Variants in AKAP6 observed in about 807,000 individuals in gnomAD.
AKAP6 encodes the protein A-kinase anchor protein 6.
AKAP6 carries 58 observed loss-of-function variants against 188.5 expected under a neutral mutation model. The ratio of observed to expected loss-of-function variants is 0.31; its 90% CI spans 0.25 to 0.38. The LOEUF (loss-of-function observed/expected upper bound fraction) is 0.38, where lower values mean the gene tolerates loss of function less well. AKAP6 is among the 10% of genes least tolerant of loss of function. The pLI, the probability that AKAP6 is intolerant of heterozygous loss-of-function variation, is 1.00. For synonymous variants in AKAP6, 989 were observed against 998.6 expected, an observed-to-expected ratio of 0.99 and a Z score of 0.18; for missense variants, 2,710 against 2,740.0, an observed-to-expected ratio of 0.99 and a Z score of 0.24.
chr14:32,798,329 A>G (rs1359289826), intron 12 of AKAP6, among the ~76,000 whole-genome samples: 1 of 152,210 alleles, frequency 6.6e-6, no homozygotes, highest in Non-Finnish European at 1.5e-5. Flanking sequence ...TGTGGAAAGC[A>G]GTTTGGAGAG....
intron 7 of AKAP6, among the ~76,000 whole-genome samples, chr14:32,671,631 G>C (rs1421653698): frequency 2.6e-5 from 4 of 151,964 alleles, no homozygotes; most frequent in Admixed American, 6.6e-5. Flanking sequence ...GTAGGTCAGG[G>C]AAGTCTGGTA....
At chr14:32,431,601 C>T (rs76249064) in intron 1 of AKAP6, among the ~76,000 whole-genome samples, 4 of 152,176 alleles carry the variant, frequency 2.6e-5, no homozygotes, top group Non-Finnish European at 5.9e-5. Context: ...CAACCTCCCC[C>T]TCCCGGGTTC....
chr14:32,713,396 G>A (rs931859404), intron 9 of AKAP6, among the ~76,000 whole-genome samples: 2 of 151,936 alleles, frequency 1.3e-5, no homozygotes, highest in African/African-American at 4.8e-5. Context: ...AGGGTCAGCC[G>A]TTCCTTTGAA....
chr14:32,395,594 A>C (rs1453086537), intron 1 of AKAP6, among the ~76,000 whole-genome samples: 1 of 152,218 alleles, frequency 6.6e-6, no homozygotes, highest in Non-Finnish European at 1.5e-5. Flanking sequence ...TAGAAAGAAC[A>C]TCCTGCTCTG....
intron 11 of AKAP6, among the ~76,000 whole-genome samples, chr14:32,771,283 C>T: frequency 6.7e-6 from 1 of 148,344 alleles, no homozygotes. Context: ...TTCCCAAGTG[C>T]ACATGTAGGA....
In AKAP6 at chr14:32,824,008, C is replaced by T. The variant is rs771087787; in HGVS notation, c.6195C>T (p.Asp2065=). The change falls in exon 13 of 14, where the codon GAC becomes GAT. Residue 2065 remains aspartate (D), a synonymous_variant. Coordinates refer to ENST00000280979, the MANE Select transcript of AKAP6 (RefSeq NM_004274.5). ...SVHNFVKEII[D]MASTALKSKS... is the part of the protein sequence containing the mutation. ...ACAACTTTGTTAAGGAAATCATTGA[C>T]ATGGCTTCGACAGCCCTAAAAAGTA... The T allele has an allele frequency of 4.0e-5, 64 of 1,613,950 alleles. No individual in the cohort carries two copies. The highest frequency in any genetic ancestry group is 5.3e-5 in the Non-Finnish European group (63 of 1,179,916).
intron 7 of AKAP6, among the ~76,000 whole-genome samples, chr14:32,609,268 AT>A (rs1886252240): frequency 6.6e-6 from 1 of 151,898 alleles, no homozygotes; most frequent in Non-Finnish European, 1.5e-5. Context: ...AGTTGTCCAC[AT>A]TTTGCTTGTT....
intron 9 of AKAP6, among the ~76,000 whole-genome samples, chr14:32,704,545 T>C (rs723703): frequency 0.99 from 151,310 of 152,296 alleles, 75,175 homozygotes; most frequent in Middle Eastern, 1. Context: ...TACTTTTTAG[T>C]ATGTCCTGTT....
chr14:32,781,139 A>T (rs551034376), intron 12 of AKAP6, among the ~76,000 whole-genome samples: 64 of 152,076 alleles, frequency 4.2e-4, no homozygotes, highest in Non-Finnish European at 8.1e-4. Flanking sequence ...AAATCAATGA[A>T]ATGAAAATCT....
chr14:32,668,637 A>C lies in AKAP6; in HGVS notation c.2731-9674A>C, dbSNP rs929498011. ...TTTTTAAAGTAATGTATTATTTTTT[A>C]CTTAAATCATTTATCTTTTGCAGTT... On this transcript the variant is annotated intron_variant, in intron 7 of 13. Transcript: ENST00000280979. Among the ~76,000 whole-genome samples the C allele has an allele frequency of 9.2e-5, 14 of 152,248 alleles. No homozygotes were observed. In the East Asian group the frequency reaches 2.7e-3, roughly 29 times the overall value.
At chr14:32,465,969 T>A (rs1381313170) in intron 2 of AKAP6, among the ~76,000 whole-genome samples, 1 of 152,084 alleles carries the variant, frequency 6.6e-6, no homozygotes, top group Non-Finnish European at 1.5e-5. Flanking sequence ...AACAAACATA[T>A]GAAAAAAGCT....
chr14:32,352,357 T>A (rs1887317423), intron 1 of AKAP6, among the ~76,000 whole-genome samples: 1 of 152,126 alleles, frequency 6.6e-6, no homozygotes, highest in Non-Finnish European at 1.5e-5. Context: ...TTGTACTGTT[T>A]AAATCAGGGT....
At chr14:32,610,536 C>A (rs1357407854) in intron 7 of AKAP6, among the ~76,000 whole-genome samples, 1 of 151,180 alleles carries the variant, frequency 6.6e-6, no homozygotes, top group East Asian at 1.9e-4. Flanking sequence ...CAGATGTGCA[C>A]AAATGTAGTT....
At chr14:32,675,341 A>G (rs923827587) in intron 7 of AKAP6, among the ~76,000 whole-genome samples, 2 of 152,164 alleles carry the variant, frequency 1.3e-5, no homozygotes, top group Non-Finnish European at 2.9e-5. Context: ...AAGTATTTTG[A>G]TGGTGCATCT....
At chr14:32,534,431 C>CT (rs1394781306) in intron 2 of AKAP6, among the ~76,000 whole-genome samples, 1 of 152,140 alleles carries the variant, frequency 6.6e-6, no homozygotes, top group African/African-American at 2.4e-5. Context: ...CTGCTGGCCT[C>CT]TGACAGCACG....
chr14:32,342,259 T>C (rs1011871410), intron 1 of AKAP6, among the ~76,000 whole-genome samples: 2 of 152,200 alleles, frequency 1.3e-5, no homozygotes, highest in African/African-American at 2.4e-5. Context: ...CAGGCACTTT[T>C]CACTTAGCAC....
intron 2 of AKAP6, among the ~76,000 whole-genome samples, chr14:32,456,199 A>C (rs1179461821): frequency 6.6e-6 from 1 of 152,172 alleles, no homozygotes; most frequent in Non-Finnish European, 1.5e-5. Flanking sequence ...ATTGGCCTAA[A>C]TGTTTTCACG....
chr14:32,754,762 A>T (rs2032268925), intron 11 of AKAP6, among the ~76,000 whole-genome samples: 1 of 152,146 alleles, frequency 6.6e-6, no homozygotes. Flanking sequence ...ATCATTGCCA[A>T]ATATGGTATT....
intron 2 of AKAP6, among the ~76,000 whole-genome samples, chr14:32,482,717 CATAAATGT>C (rs1342216975): frequency 6.6e-6 from 1 of 152,094 alleles, no homozygotes; most frequent in African/African-American, 2.4e-5. Context: ...ATATCTTCTA[CATAAATGT>C]ATTACAGACT....
Sources: allele counts gnomAD v4.1 joint callset (sites outside exome capture counted in the v4.1 genomes callset), GRCh38; gene constraint gnomAD v4.1.1; transcripts MANE v1.5; gene names NCBI Gene and HGNC (gene_info 2026-07-23, HGNC 2026-07-21).